Variants in SPAST observed in about 807,000 individuals in gnomAD.
SPAST encodes spastin.
SPAST carries 30 observed loss-of-function variants against 76.6 expected under a neutral mutation model. That is an observed-to-expected ratio of 0.39 (90% CI 0.29 to 0.53). The LOEUF is 0.53. SPAST is among the 20% of genes least tolerant of loss of function. The pLI, the probability that SPAST is intolerant of heterozygous loss-of-function variation, is 0.68. For missense variants in SPAST, 717 were observed against 770.5 expected (o/e 0.93, Z 0.82); for synonymous variants, 305 against 281.0 (o/e 1.09, Z -0.86).
intron 3 of SPAST, among the ~76,000 whole-genome samples, chr2:32,091,001 A>G (rs566983176): frequency 3.9e-5 from 6 of 152,184 alleles, no homozygotes; most frequent in Non-Finnish European, 5.9e-5. Context: ...CATCAACTGT[A>G]ATAGAAACTT....
At position 32,063,715 on chromosome 2, in the gene SPAST, G is replaced by A. The variant is rs1676375899; in HGVS notation, c.-117G>A. 1 of 1,401,264 alleles carries A rather than the reference G, an allele frequency of 7.1e-7. No homozygotes were observed. The highest frequency in any genetic ancestry group is 1.4e-5 in the African/African-American group (1 of 69,646). 86.8% of individuals were successfully genotyped at this position (1,401,264 alleles called of 1,614,324 possible). A position where few individuals can be genotyped will look rare whatever the true frequency, so the allele number is the denominator to read the frequency against. Reference sequence around the variant, plus strand: ...GCGTGCGGCAGTGCGGAGCTCCTGAGACCGGCGGGCACACGGGGGTCTGTG... The same window carrying A: ...GCGTGCGGCAGTGCGGAGCTCCTGAAACCGGCGGGCACACGGGGGTCTGTG... On this transcript the variant is annotated 5_prime_UTR_variant, in exon 1 of 17. Transcript: ENST00000315285.
chr2:32,066,221 T>A (rs1235316546), intron 1 of SPAST: 4 of 152,122 alleles, frequency 2.6e-5, no homozygotes, highest in Non-Finnish European at 5.9e-5. Flanking sequence ...GTGATTCGCC[T>A]GCCTCGACCT....
intron 12 of SPAST, among the ~76,000 whole-genome samples, chr2:32,138,418 G>A (rs1679613083): frequency 6.6e-6 from 1 of 151,942 alleles, no homozygotes; most frequent in South Asian, 2.1e-4. Flanking sequence ...ATTTTGATTT[G>A]CATTTTTCTG....
At chr2:32,089,925 C>T (rs961389764) in intron 3 of SPAST, among the ~76,000 whole-genome samples, 7 of 151,988 alleles carry the variant, frequency 4.6e-5, no homozygotes, top group African/African-American at 1.2e-4. Context: ...CACCACGCCC[C>T]GCTAATTTTT....
rs962393586 is a variant in SPAST, at chr2:32,139,851, G to GA, written c.1494-2042dup. Among the ~76,000 whole-genome samples, 282 of 132,224 alleles carry GA rather than the reference G, an allele frequency of 2.1e-3. 1 individual carries two copies. Among genetic ancestry groups the GA allele is most frequent in the African/African-American group, 6.8e-3 (246 of 36,142 alleles). 86.7% of individuals were successfully genotyped at this position (132,224 alleles called of 152,430 possible). On this transcript the variant is annotated intron_variant, in intron 12 of 16. Coordinates refer to ENST00000315285, the MANE Select transcript of SPAST (RefSeq NM_014946.4). ...GTTTCCAAAATTAAAAAAAAAAAAAGAAAAAAAAAAAGACAATGGAGTACC... is the reference window on the plus strand; with the variant it reads ...GTTTCCAAAATTAAAAAAAAAAAAAGAAAAAAAAAAAAGACAATGGAGTACC...
In SPAST at chr2:32,116,159, T is replaced by C; in HGVS notation, c.1045T>C (p.Leu349=). 1 of 1,613,650 alleles carries C rather than the reference T, an allele frequency of 6.2e-7. No homozygotes were observed. The highest frequency in any genetic ancestry group is 8.5e-7 in the Non-Finnish European group (1 of 1,179,720). Residue 349 remains leucine, a synonymous_variant, in exon 7 of 17, where the codon TTG becomes CTG. Coordinates refer to ENST00000315285, the MANE Select transcript of SPAST (RefSeq NM_014946.4). ...VKFDDIAGQD[L]AKQALQEIVI... is the part of the protein sequence containing the mutation. ...ATTTGATGATATAGCTGGTCAAGAC[T>C]TGGCAAAACAAGCATTGCAAGAAAT... is the stretch of plus-strand genomic sequence containing the variant.
At chr2:32,103,132 C>T (rs937421762) in intron 4 of SPAST, among the ~76,000 whole-genome samples, 1 of 152,128 alleles carries the variant, frequency 6.6e-6, no homozygotes, top group Non-Finnish European at 1.5e-5. Context: ...TAATTATTGC[C>T]TCAATTTCAG....
Position 32,114,554 on chromosome 2 carries a change from T to C in SPAST, c.683-84T>C, listed in dbSNP as rs1678749125. 5 of 1,017,050 alleles carry C rather than the reference T, an allele frequency of 4.9e-6. No homozygotes were observed. The South Asian group carries it at 5.6e-5, about 11-fold the overall frequency. The allele number at this position is 1,017,050 out of a possible 1,614,324, so 63.0% of individuals were successfully genotyped here. On this transcript the variant is annotated intron_variant, in intron 4 of 16. Coordinates refer to ENST00000315285, the MANE Select transcript of SPAST (RefSeq NM_014946.4). ...ATTTTTGAATTAAAAAAATATATTA[T>C]TACCTTGGTTTTACAAATGTTTGCT...
At chr2:32,110,197 C>A (rs1214494216) in intron 4 of SPAST, among the ~76,000 whole-genome samples, 1 of 147,862 alleles carries the variant, frequency 6.8e-6, no homozygotes, top group African/African-American at 2.5e-5. Flanking sequence ...TGGCTTACCG[C>A]AACCTCTGCT....
intron 16 of SPAST, among the ~76,000 whole-genome samples, chr2:32,152,293 C>T (rs1018940621): frequency 2.0e-5 from 3 of 152,062 alleles, no homozygotes; most frequent in Non-Finnish European, 2.9e-5. Flanking sequence ...TCTGGCCAGG[C>T]GTGGTTGTTC....
intron 9 of SPAST, chr2:32,129,348 C>G (rs1345453186): frequency 2.6e-5 from 4 of 151,792 alleles, no homozygotes; most frequent in Non-Finnish European, 2.9e-5. Context: ...CTCGGACTCT[C>G]AAAGTGCTGG....
chr2:32,121,655 C>A (rs1423867853), intron 7 of SPAST, among the ~76,000 whole-genome samples: 1 of 151,502 alleles, frequency 6.6e-6, no homozygotes, highest in African/African-American at 2.4e-5. Context: ...ATTCTCCTGC[C>A]TCAGCCTCCC....
At chr2:32,115,542 T>C (rs1006953552) in intron 5 of SPAST, among the ~76,000 whole-genome samples, 160 bp from the exon 6 acceptor site, 1 of 152,190 alleles carries the variant, frequency 6.6e-6, no homozygotes, top group African/African-American at 2.4e-5. Context: ...CTCTAGTGAA[T>C]ACAGTTTTAC....
intron 1 of SPAST, among the ~76,000 whole-genome samples, chr2:32,075,668 G>T (rs946960333): frequency 1.4e-5 from 2 of 145,368 alleles, no homozygotes; most frequent in African/African-American, 5.1e-5. Flanking sequence ...TCCTGCCTCA[G>T]CCTCACAAGT....
At chr2:32,078,584 A>G (rs1337729472) in intron 1 of SPAST, among the ~76,000 whole-genome samples, 1 of 152,158 alleles carries the variant, frequency 6.6e-6, no homozygotes, top group African/African-American at 2.4e-5. Flanking sequence ...CAGAATTTCA[A>G]GGCTACAGTG....
intron 4 of SPAST, among the ~76,000 whole-genome samples, chr2:32,100,655 C>T (rs904530712): frequency 2.0e-5 from 3 of 152,072 alleles, no homozygotes; most frequent in African/African-American, 7.2e-5. Context: ...GTTCCCCACC[C>T]TGTGTCCAAG....
intron 7 of SPAST, 103 bp downstream of exon 7, chr2:32,116,315 T>TC: frequency 1.3e-6 from 1 of 750,974 alleles, no homozygotes; most frequent in Non-Finnish European, 2.3e-6. Flanking sequence ...AATAATTAAT[T>TC]CATATAAGGT....
chr2:32,068,268 G>A (rs566484924), intron 1 of SPAST, among the ~76,000 whole-genome samples: 15 of 151,482 alleles, frequency 9.9e-5, no homozygotes, highest in African/African-American at 3.4e-4. Context: ...GTGAGCCACC[G>A]CGCCCGGCAC....
At chr2:32,110,828 A>AG (rs1196318268) in intron 4 of SPAST, among the ~76,000 whole-genome samples, 5 of 118,720 alleles carry the variant, frequency 4.2e-5, no homozygotes, top group African/African-American at 1.5e-4. Context: ...TATAGAGTAT[A>AG]TATACAGTAT....
Sources: allele counts gnomAD v4.1 joint callset (sites outside exome capture counted in the v4.1 genomes callset), GRCh38; gene constraint gnomAD v4.1.1; transcripts MANE v1.5; gene names NCBI Gene and HGNC (gene_info 2026-07-23, HGNC 2026-07-21).